Variants in TPRG1 observed in about 807,000 individuals in gnomAD.
The protein encoded by TPRG1 is tumor protein p63-regulated gene 1 protein.
In TPRG1, 29 loss-of-function variants were observed where a neutral mutation model predicts 29.3. The observed-to-expected ratio is 0.99, with a 90% CI of 0.74 to 1.35. The LOEUF (loss-of-function observed/expected upper bound fraction) is 1.35. Among genes scored for constraint, TPRG1 ranks in the 40% most tolerant of loss-of-function variants. The probability of loss-of-function intolerance (pLI) is 0.00; values close to 1 mark genes in which losing one functional copy is unlikely to be tolerated. For missense variants in TPRG1, 327 were observed against 335.0 expected, an observed-to-expected ratio of 0.98 and a Z score of 0.19; for synonymous variants, 130 against 116.8, an observed-to-expected ratio of 1.11 and a Z score of -0.73.
At chr3:189,236,115 A>G (rs1739418921) in intron 3 of TPRG1, among the ~76,000 whole-genome samples, 1 of 152,216 alleles carries the variant, frequency 6.6e-6, no homozygotes, top group Non-Finnish European at 1.5e-5. Context: ...CAGGAACTTG[A>G]GATGGTGGCC....
chr3:189,179,895 CT>C (rs1729986189), intron 1 of TPRG1, among the ~76,000 whole-genome samples: 1 of 152,088 alleles, frequency 6.6e-6, no homozygotes, highest in Admixed American at 6.5e-5. Context: ...CATATTAGTC[CT>C]TTTTCACACT....
chr3:189,085,114 A>G (rs1186025824), intron 4 of TPRG1, among the ~76,000 whole-genome samples: 2 of 152,232 alleles, frequency 1.3e-5, no homozygotes, highest in Non-Finnish European at 2.9e-5. Context: ...TACATGAATC[A>G]TAAACTAGTA....
Position 189,211,171 on chromosome 3 carries a change from A to ATACT in TPRG1, c.210+3579_210+3582dup, listed in dbSNP as rs200766043. Among the ~76,000 whole-genome samples the ATACT allele has an allele frequency of 2.7e-3, 404 of 152,318 alleles. 4 individuals carry two copies. The highest frequency in any genetic ancestry group is 0.025 in the East Asian group (129 of 5,194). On this transcript the variant is annotated intron_variant, in intron 2 of 5. Transcript: ENST00000345063. Reference sequence around the variant, plus strand: ...AACTATTATTTCCCATTTCAATAACATACTTCCATAATCTAATTTTTAATA... The same window carrying ATACT: ...AACTATTATTTCCCATTTCAATAACATACTTACTTCCATAATCTAATTTTTAATA...
chr3:189,231,571 C>A (rs1738659206), intron 3 of TPRG1, among the ~76,000 whole-genome samples: 2 of 152,260 alleles, frequency 1.3e-5, no homozygotes, highest in East Asian at 3.9e-4. Flanking sequence ...TATGTCATAT[C>A]TCTTTCATCC....
chr3:189,104,893 A>G (rs567551213), intron 1 of TPRG1, among the ~76,000 whole-genome samples: 174 of 152,124 alleles, frequency 1.1e-3, no homozygotes, highest in African/African-American at 4.1e-3. Context: ...AATTTTACTG[A>G]CCCATCCCCA....
chr3:189,084,532 G>A (rs545339742), intron 4 of TPRG1, among the ~76,000 whole-genome samples: 1 of 152,034 alleles, frequency 6.6e-6, no homozygotes, highest in Non-Finnish European at 1.5e-5. Flanking sequence ...TTCCATGTAT[G>A]CAACTTAAAG....
intron 1 of TPRG1, among the ~76,000 whole-genome samples, chr3:189,183,464 C>G (rs1730509072): frequency 1.3e-5 from 2 of 152,076 alleles, no homozygotes; most frequent in African/African-American, 4.8e-5. Flanking sequence ...AGCAACCAGT[C>G]TGACCAAAAT....
intron 4 of TPRG1, among the ~76,000 whole-genome samples, chr3:189,051,589 A>T (rs994282659): frequency 2.0e-5 from 3 of 152,172 alleles, no homozygotes; most frequent in African/African-American, 7.2e-5. Context: ...AATTAGAAAA[A>T]AAAATTCTAA....
chr3:189,115,705 G>A (rs1721084798), intron 1 of TPRG1, among the ~76,000 whole-genome samples: 2 of 152,144 alleles, frequency 1.3e-5, no homozygotes, highest in South Asian at 4.1e-4. Context: ...TTAGGTATTA[G>A]CAGTTAGCAT....
At chr3:189,213,415 A>G (rs1368822466) in intron 2 of TPRG1, among the ~76,000 whole-genome samples, 1 of 152,198 alleles carries the variant, frequency 6.6e-6, no homozygotes, top group Non-Finnish European at 1.5e-5. Flanking sequence ...TATAGTAACT[A>G]TAATAGTAAG....
chr3:189,115,337 C>T lies in TPRG1; in HGVS notation c.-743-11720C>T, dbSNP rs574960470. ...GACTGGGAACCTTAAGAAATAGTCC[C>T]AAGTGCTGATGTTTGCAGGCTGAAA... On this transcript the variant is annotated intron_variant, in intron 1 of 6. Coordinates refer to the TPRG1 transcript ENST00000412373. Among the ~76,000 whole-genome samples the T allele has an allele frequency of 2.6e-5, 4 of 152,264 alleles. No homozygotes were observed. In the East Asian group the frequency reaches 7.7e-4, roughly 29 times the overall value.
intron 3 of TPRG1, among the ~76,000 whole-genome samples, chr3:189,143,243 A>T (rs866432166): frequency 1.1e-4 from 16 of 152,176 alleles, no homozygotes; most frequent in African/African-American, 2.9e-4. Context: ...ACAAAGTAGG[A>T]GCCGCTGGTA....
At chr3:188,999,235 A>C (rs964216255) in intron 1 of TPRG1, among the ~76,000 whole-genome samples, 8 of 152,022 alleles carry the variant, frequency 5.3e-5, no homozygotes, top group African/African-American at 1.9e-4. Context: ...CATATTTTGA[A>C]AGTGAAGATA....
chr3:189,253,365 C>T (rs113102424), intron 4 of TPRG1, among the ~76,000 whole-genome samples: 5,380 of 152,204 alleles, frequency 0.035, 119 homozygotes, highest in Middle Eastern at 0.051. Context: ...GTTTTCTGTT[C>T]CTGTGTTAGT....
upstream of TPRG1, among the ~76,000 whole-genome samples, chr3:189,171,347 A>C (rs1462923547): frequency 6.6e-6 from 1 of 152,264 alleles, no homozygotes; most frequent in Non-Finnish European, 1.5e-5. Context: ...GATTCACTAA[A>C]TAGATATTAA....
At chr3:189,068,106 A>G (rs965575684) in intron 4 of TPRG1, among the ~76,000 whole-genome samples, 32 of 152,228 alleles carry the variant, frequency 2.1e-4, no homozygotes, top group Non-Finnish European at 4.4e-5. Flanking sequence ...ATGTAATTCA[A>G]AACCACCGTG....
At chr3:189,305,799 T>C (rs1721533430) in intron 4 of TPRG1, among the ~76,000 whole-genome samples, 1 of 152,194 alleles carries the variant, frequency 6.6e-6, no homozygotes, top group African/African-American at 2.4e-5. Flanking sequence ...ATCCTAAACA[T>C]CCATGACTAT....
At chr3:189,109,309 C>T (rs1054884210) in intron 1 of TPRG1, among the ~76,000 whole-genome samples, 2 of 152,154 alleles carry the variant, frequency 1.3e-5, no homozygotes, top group Middle Eastern at 3.2e-3. Flanking sequence ...GCGTGTGGTG[C>T]GGTGTTAATT....
At chr3:189,280,335 T>A (rs1436930339) in intron 4 of TPRG1, among the ~76,000 whole-genome samples, 1 of 106,582 alleles carries the variant, frequency 9.4e-6, no homozygotes, top group Non-Finnish European at 1.9e-5. Flanking sequence ...ATGGAAGACA[T>A]TTTAGATGAC....
Sources: allele counts gnomAD v4.1 joint callset (sites outside exome capture counted in the v4.1 genomes callset), GRCh38; gene constraint gnomAD v4.1.1; transcripts MANE v1.5; gene names NCBI Gene and HGNC (gene_info 2026-07-23, HGNC 2026-07-21).